The following STK3 variants were observed in gnomAD, a reference collection of about 807,000 sequenced individuals.
STK3 encodes the protein serine/threonine-protein kinase 3.
STK3 carries 41 observed loss-of-function variants against 58.0 expected under a neutral mutation model. The ratio of observed to expected loss-of-function variants is 0.71; its 90% confidence interval spans 0.55 to 0.92. The LOEUF is 0.92. STK3 is among the 40% of genes least tolerant of loss of function. The pLI, the probability that STK3 is intolerant of heterozygous loss-of-function variation, is 0.00. For missense variants in STK3, 479 were observed against 602.7 expected (o/e 0.79, Z 2.15); for synonymous variants, 170 against 191.0 (o/e 0.89, Z 0.91).
intron 4 of STK3, among the ~76,000 whole-genome samples, chr8:98,719,824 G>A (rs997667083): frequency 2.6e-5 from 4 of 152,180 alleles, no homozygotes; most frequent in African/African-American, 4.8e-5. Context: ...ATATCTGAGG[G>A]CATAACCTGA....
At chr8:98,388,583 G>T (rs1817816286), upstream of STK3, among the ~76,000 whole-genome samples, 1 of 152,144 alleles carries the variant, frequency 6.6e-6, no homozygotes, top group African/African-American at 2.4e-5. Flanking sequence ...AGAGATAAAA[G>T]AATATGTAAT....
chr8:98,643,496 T>A lies in STK3; in HGVS notation c.685-47327A>T, dbSNP rs148674144. ...TCAGTCTTTAGCTTAGATATCTCCT[T>A]CTTAACAAGGCATCCTTGACTACCA... On this transcript the variant is annotated intron_variant, in intron 6 of 10. Coordinates refer to ENST00000419617, the MANE Select transcript of STK3 (RefSeq NM_006281.4). 9.1e-4 allele frequency among the ~76,000 whole-genome samples: 139 copies of A among 152,264 alleles called. No individual in the cohort carries two copies. In the Middle Eastern group the frequency reaches 0.01, roughly 11 times the overall value.
chr8:98,592,810 C>T (rs886941782), intron 7 of STK3, among the ~76,000 whole-genome samples: 1 of 151,908 alleles, frequency 6.6e-6, no homozygotes, highest in Admixed American at 6.6e-5. Context: ...GTTGTCCAGG[C>T]TGGAGTGCAG....
chr8:98,904,976 G>A lies in STK3; in HGVS notation c.-78-21142C>T, dbSNP rs541400320. On this transcript the variant is annotated intron_variant, in intron 1 of 1. Coordinates refer to the STK3 transcript ENST00000519420. ...CTGCTGCCGCTGCTGCTACTGCCTC[G>A]TAAGAGCAGACCCAGTATCGCTTAT... 3.8e-5 allele frequency: 28 copies of A among 733,566 alleles called. No homozygotes were observed. In the East Asian group the frequency reaches 6.2e-4, roughly 16 times the overall value. 45.4% of individuals were successfully genotyped at this position (733,566 alleles called of 1,614,324 possible). A position where few individuals can be genotyped will look rare whatever the true frequency, so the allele number is the denominator to read the frequency against.
At chr8:98,478,058 C>T (rs767353213) in intron 10 of STK3, among the ~76,000 whole-genome samples, 1 of 152,110 alleles carries the variant, frequency 6.6e-6, no homozygotes, top group Non-Finnish European at 1.5e-5. Context: ...AGACAGACCC[C>T]TGGGCTATGT....
At chr8:98,721,881 T>C (rs1035651357) in intron 4 of STK3, among the ~76,000 whole-genome samples, 7 of 152,144 alleles carry the variant, frequency 4.6e-5, no homozygotes, top group Non-Finnish European at 5.9e-5. Context: ...CTAGGAAACA[T>C]TGATCCACTG....
intron 4 of STK3, among the ~76,000 whole-genome samples, chr8:98,724,570 T>C (rs2131206591): frequency 6.6e-6 from 1 of 152,306 alleles, no homozygotes; most frequent in South Asian, 2.1e-4. Flanking sequence ...TGATCATATC[T>C]GAACTTTTAG....
chr8:98,653,038 A>C (rs535883365), intron 6 of STK3, among the ~76,000 whole-genome samples: 1 of 152,224 alleles, frequency 6.6e-6, no homozygotes, highest in Non-Finnish European at 1.5e-5. Context: ...CATTTCTTTC[A>C]GCACCACACC....
intron 6 of STK3, among the ~76,000 whole-genome samples, chr8:98,611,825 A>G (rs1817222341): frequency 6.6e-6 from 1 of 152,100 alleles, no homozygotes; most frequent in Non-Finnish European, 1.5e-5. Context: ...TGTAAGGTGT[A>G]TCAAGGGTCA....
intron 6 of STK3, among the ~76,000 whole-genome samples, chr8:98,602,718 T>G (rs534743583): frequency 6.6e-6 from 1 of 152,104 alleles, no homozygotes; most frequent in East Asian, 1.9e-4. Context: ...TAAAGTACAG[T>G]AAGAATTTTA....
At chr8:98,794,904 C>G (rs1457736624) in intron 1 of STK3, among the ~76,000 whole-genome samples, 3 of 150,686 alleles carry the variant, frequency 2.0e-5, no homozygotes, top group East Asian at 1.9e-4. Flanking sequence ...CCCGGCTCTA[C>G]TAAAAAACCC....
rs768436261 is a variant in STK3, at chr8:98,455,805, G to A, written c.*37C>T. The A allele has an allele frequency of 2.6e-5, 41 of 1,607,008 alleles. No individual in the cohort carries two copies. Among genetic ancestry groups the A allele is most frequent in the Non-Finnish European group, 3.4e-5 (40 of 1,177,080 alleles). ...TCCTTCAATTCCTAGTGGTTTCTTG[G>A]TCTCCAGAATAGTTAAAAACAGAGA... On this transcript the variant is annotated 3_prime_UTR_variant, in exon 11 of 11. Coordinates refer to ENST00000419617, the MANE Select transcript of STK3 (RefSeq NM_006281.4).
At chr8:98,444,957 A>T (rs1346770563) in intron 1 of STK3, among the ~76,000 whole-genome samples, 2 of 152,168 alleles carry the variant, frequency 1.3e-5, no homozygotes, top group Non-Finnish European at 2.9e-5. Flanking sequence ...TATGGGTGCC[A>T]TTAGAGAGAC....
intron 3 of STK3, among the ~76,000 whole-genome samples, chr8:98,832,267 T>G (rs1235862153): frequency 6.8e-6 from 1 of 147,994 alleles, no homozygotes. Context: ...TATATATATA[T>G]ATATAGATAT....
chr8:98,750,550 T>A (rs1239030874), intron 3 of STK3, among the ~76,000 whole-genome samples: 1 of 151,676 alleles, frequency 6.6e-6, no homozygotes, highest in East Asian at 1.9e-4. Context: ...AGGGAAGACT[T>A]CTCAGTACAG....
At chr8:98,786,526 A>C (rs539415058) in intron 1 of STK3, among the ~76,000 whole-genome samples, 1 of 152,340 alleles carries the variant, frequency 6.6e-6, no homozygotes, top group Non-Finnish European at 1.5e-5. Flanking sequence ...ACAGATGAAC[A>C]AAAGGAAAAA....
At position 98,749,303 on chromosome 8, in the gene STK3, T is replaced by A; in HGVS notation, c.324A>T (p.Ser108=). ...TCTTGTTTCGTAATCTAATTATGTC[T>A]GAGACAGAGCCAGCGCCACAGTACT... is the stretch of plus-strand genomic sequence containing the variant. ...VMEYCGAGSV[S]DIIRLRNKTL... is the part of the protein sequence containing the mutation. The change falls in exon 4 of 11, where the codon TCA becomes TCT. Residue 108 remains serine, a synonymous_variant. Transcript: ENST00000419617. 6.2e-7 allele frequency: 1 copy of A among 1,608,692 alleles called. No homozygotes were observed. The highest frequency in any genetic ancestry group is 8.5e-7 in the Non-Finnish European group (1 of 1,176,838).
intron 6 of STK3, among the ~76,000 whole-genome samples, chr8:98,648,765 A>ACCTGTAGTC: frequency 6.6e-6 from 1 of 151,928 alleles, no homozygotes; most frequent in Middle Eastern, 3.4e-3. Context: ...GGTGGCACCC[A>ACCTGTAGTC]CCTGTAGTCC....
chr8:98,394,648 T>C (rs1272635743), intron 3 of STK3, among the ~76,000 whole-genome samples: 1 of 152,236 alleles, frequency 6.6e-6, no homozygotes, highest in African/African-American at 2.4e-5. Context: ...ATTCTTTATT[T>C]CCAATTCTTT....
Sources: allele counts gnomAD v4.1 joint callset (sites outside exome capture counted in the v4.1 genomes callset), GRCh38; gene constraint gnomAD v4.1.1; transcripts MANE v1.5; gene names NCBI Gene and HGNC (gene_info 2026-07-23, HGNC 2026-07-21).